Variants in MAMLD1 observed in about 807,000 individuals in gnomAD.
The protein encoded by MAMLD1 is mastermind like domain containing 1.
Under a neutral mutation model 45.0 loss-of-function variants are expected in MAMLD1, and 14 were observed. That is an observed-to-expected ratio of 0.31 (90% confidence interval 0.21 to 0.49). The LOEUF (loss-of-function observed/expected upper bound fraction) is 0.49. Among genes scored for constraint, MAMLD1 ranks in the 20% least tolerant of loss-of-function variants. The pLI, the probability that MAMLD1 is intolerant of heterozygous loss-of-function variation, is 0.99. For missense variants in MAMLD1, 543 were observed against 603.6 expected (o/e 0.90, Z 1.05); for synonymous variants, 254 against 247.8 (o/e 1.02, Z -0.24).
chrX:150,411,255 C>A (rs1011286203), intron 1 of MAMLD1, among the ~76,000 whole-genome samples: 2 of 112,080 alleles, frequency 1.8e-5, no homozygotes, highest in Non-Finnish European at 3.8e-5. Flanking sequence ...CTGACCAGTG[C>A]TCCGTTCCCC....
intron 2 of MAMLD1, among the ~76,000 whole-genome samples, chrX:150,451,099 G>A: frequency 8.9e-6 from 1 of 112,803 alleles, no homozygotes; most frequent in Admixed American, 9.3e-5. Flanking sequence ...GCCTGGCTTG[G>A]TAAACCAGTG....
At chrX:150,368,012 A>G (rs1401491600) in intron 1 of MAMLD1, among the ~76,000 whole-genome samples, 107 of 110,979 alleles carry the variant, frequency 9.6e-4, no homozygotes, top group African/African-American at 3.3e-3. Flanking sequence ...TAGTGCCGCA[A>G]TAAACATACG....
chrX:150,510,707 T>G, intron 7 of MAMLD1, among the ~76,000 whole-genome samples: 1 of 112,564 alleles, frequency 8.9e-6, no homozygotes, highest in Admixed American at 9.3e-5. Context: ...GGGATGAGAT[T>G]GGACCAGGCC....
chrX:150,468,099 A>G (rs2036281217), intron 3 of MAMLD1, among the ~76,000 whole-genome samples: 1 of 111,949 alleles, frequency 8.9e-6, no homozygotes, highest in Non-Finnish European at 1.9e-5. Flanking sequence ...AGAATCAGCC[A>G]TGGAGCTGTT....
chrX:150,415,705 A>G (rs1557403024), intron 1 of MAMLD1, among the ~76,000 whole-genome samples: 1 of 112,306 alleles, frequency 8.9e-6, no homozygotes, highest in East Asian at 2.8e-4. Flanking sequence ...ATTCCACTGG[A>G]CAGCTCTGTG....
At position 150,513,573 on chromosome X, in the gene MAMLD1, A is replaced by G. The variant is rs1226546779; in HGVS notation, c.*1614A>G. 1.7e-5 allele frequency: 5 copies of G among 296,735 alleles called. No homozygotes were observed. Among genetic ancestry groups the G allele is most frequent in the South Asian group, 2.3e-4 (1 of 4,353 alleles). 24.5% of individuals were successfully genotyped at this position (296,735 alleles called of 1,213,427 possible). ...TATTTCTATGTTCACTAAAAATCCT[A>G]TTGCCTTGTGTGATTCTTAATCTCT... On this transcript the variant is annotated 3_prime_UTR_variant, in exon 8 of 8. Coordinates refer to ENST00000370401, the MANE Select transcript of MAMLD1 (RefSeq NM_005491.5).
chrX:150,401,473 A>G (rs2033761622), intron 1 of MAMLD1, among the ~76,000 whole-genome samples: 1 of 104,135 alleles, frequency 9.6e-6, no homozygotes, highest in Non-Finnish European at 2.0e-5. Flanking sequence ...AAGAATCAAT[A>G]TCGTGAAAAT....
chrX:150,513,098 C>T lies in MAMLD1; in HGVS notation c.*1139C>T, dbSNP rs1388741108. ...AATCTGAGCAGGATGCCCATAGAAA[C>T]CCCCATGGTGACATCACTCTAGGAA... On this transcript the variant is annotated 3_prime_UTR_variant, in exon 8 of 8. Transcript: ENST00000370401. 5 of 1,118,114 alleles carry T rather than the reference C, an allele frequency of 4.5e-6. No individual in the cohort carries two copies. The highest frequency in any genetic ancestry group is 4.7e-6 in the Non-Finnish European group (4 of 846,871). 92.1% of individuals were successfully genotyped at this position (1,118,114 alleles called of 1,213,427 possible).
chrX:150,488,608 A>T (rs916464181), intron 5 of MAMLD1, among the ~76,000 whole-genome samples: 6 of 113,270 alleles, frequency 5.3e-5, no homozygotes, highest in Non-Finnish European at 7.5e-5. Flanking sequence ...TAACGTCTAC[A>T]AACTGACTAA....
chrX:150,506,916 C>T lies in MAMLD1; in HGVS notation c.2285-3046C>T, dbSNP rs782195804. On this transcript the variant is annotated intron_variant, in intron 6 of 7. Coordinates refer to ENST00000370401, the MANE Select transcript of MAMLD1 (RefSeq NM_005491.5). ...CGTCAGCCTAAAGCTTCTAGAAAGG[C>T]ATCCCCAGGACTTCCAAGGTTGCCA... is the stretch of plus-strand genomic sequence containing the variant. Among the ~76,000 whole-genome samples, 5 of 112,630 alleles carry T rather than the reference C, an allele frequency of 4.4e-5. 1 individual carries two copies. The South Asian group carries it at 1.8e-3, about 41-fold the overall frequency.
Position 150,471,328 on chromosome X carries a change from T to C in MAMLD1, c.1755T>C (p.Thr585=), listed in dbSNP as rs2036419085. The change falls in exon 4 of 8, where the codon ACT becomes ACC. Residue 585 remains threonine, a synonymous_variant. Transcript: ENST00000370401. ...CACCAACGCAGGCCTCCTCAGCCAC[T>C]GCCTCCTCCACGGCCACTGCCACCT... is the stretch of plus-strand genomic sequence containing the variant. ...QPTPTQASSA[T]ASSTATATLQ... 8.3e-7 allele frequency: 1 copy of C among 1,208,696 alleles called. No homozygotes were observed. Among genetic ancestry groups the C allele is most frequent in the Non-Finnish European group, 1.1e-6 (1 of 894,855 alleles).
At chrX:150,477,364 C>T (rs782679283) in intron 5 of MAMLD1, among the ~76,000 whole-genome samples, 6 of 112,446 alleles carry the variant, frequency 5.3e-5, no homozygotes, top group African/African-American at 1.9e-4. Flanking sequence ...ACACCAGTAA[C>T]CCAATGGAAT....
At chrX:150,460,513 C>A (rs1043173181) in intron 2 of MAMLD1, among the ~76,000 whole-genome samples, 7 of 111,816 alleles carry the variant, frequency 6.3e-5, no homozygotes, top group Non-Finnish European at 9.4e-5. Context: ...AGAGGCAGGT[C>A]CCAAGGAGTG....
chrX:150,465,024 G>A (rs782622602), intron 3 of MAMLD1, among the ~76,000 whole-genome samples: 54 of 112,129 alleles, frequency 4.8e-4, no homozygotes, highest in African/African-American at 1.7e-3. Flanking sequence ...TACAAGCCCA[G>A]TGCCCTCTGG....
intron 3 of MAMLD1, among the ~76,000 whole-genome samples, chrX:150,467,814 A>G (rs903544449): frequency 9.0e-6 from 1 of 110,678 alleles, no homozygotes; most frequent in Non-Finnish European, 1.9e-5. Flanking sequence ...GGTCTCAGAG[A>G]CCTCTCTGTC....
chrX:150,370,226 G>C (rs1316393130), intron 1 of MAMLD1, among the ~76,000 whole-genome samples: 2 of 110,164 alleles, frequency 1.8e-5, no homozygotes, highest in Non-Finnish European at 3.8e-5. Flanking sequence ...CAACGCCACC[G>C]AGGGGTAACC....
rs923917513 is a variant in MAMLD1, at chrX:150,474,597, T to C, written c.2040+795T>C. Among the ~76,000 whole-genome samples, 12 of 112,047 alleles carry C rather than the reference T, an allele frequency of 1.1e-4. No homozygotes were observed. The Admixed American group carries it at 1.1e-3, about 11-fold the overall frequency. On this transcript the variant is annotated intron_variant, in intron 5 of 7. Coordinates refer to ENST00000370401, the MANE Select transcript of MAMLD1 (RefSeq NM_005491.5). ...CACAAGCCACGCTATCTCCAGACCC[T>C]GTACCCACCATGAGATTGATAGGAG...
intron 2 of MAMLD1, among the ~76,000 whole-genome samples, chrX:150,446,869 A>T (rs1269730638): frequency 3.5e-5 from 4 of 113,027 alleles, no homozygotes; most frequent in African/African-American, 1.3e-4. Flanking sequence ...GTCCGTGATC[A>T]GTTTTAGCAT....
chrX:150,368,163 T>G (rs1450141632), intron 1 of MAMLD1, among the ~76,000 whole-genome samples: 1 of 111,934 alleles, frequency 8.9e-6, no homozygotes, highest in East Asian at 2.8e-4. Flanking sequence ...TGAACTAGTT[T>G]ACAGTCCCAC....
Sources: gnomAD v4.1 joint callset for allele counts (sites outside exome capture counted in the v4.1 genomes callset) on GRCh38, gnomAD v4.1.1 for gene constraint, MANE v1.5 for transcripts, NCBI Gene and HGNC (gene_info 2026-07-23, HGNC 2026-07-21) for gene names.